The following KATNAL1 variants were observed in gnomAD, a reference collection of about 807,000 sequenced individuals.
KATNAL1 encodes the protein katanin catalytic subunit A1 like 1.
Under a neutral mutation model 55.2 loss-of-function variants are expected in KATNAL1, and 32 were observed. The ratio of observed to expected loss-of-function variants is 0.58; its 90% CI spans 0.44 to 0.78. The LOEUF (loss-of-function observed/expected upper bound fraction) is 0.78. Among genes scored for constraint, KATNAL1 ranks in the 30% least tolerant of loss-of-function variants. The pLI, the probability that KATNAL1 is intolerant of heterozygous loss-of-function variation, is 0.00. For missense variants in KATNAL1, 466 were observed against 600.9 expected (o/e 0.78, Z 2.35); for synonymous variants, 193 against 193.6 (o/e 1.00, Z 0.02).
At chr13:30,238,909 C>T (rs1446257156) in intron 6 of KATNAL1, among the ~76,000 whole-genome samples, 1 of 152,144 alleles carries the variant, frequency 6.6e-6, no homozygotes, top group Non-Finnish European at 1.5e-5. Flanking sequence ...AAGAAGCTGA[C>T]ACACATTGAA....
At chr13:30,289,468 T>C (rs987977053) in intron 1 of KATNAL1, among the ~76,000 whole-genome samples, 18 of 152,248 alleles carry the variant, frequency 1.2e-4, no homozygotes, top group African/African-American at 4.3e-4. Flanking sequence ...GCCTGATTTT[T>C]ATTTTCTAAT....
At chr13:30,297,143 T>TAAAA (rs560378346) in intron 1 of KATNAL1, among the ~76,000 whole-genome samples, 1 of 103,700 alleles carries the variant, frequency 9.6e-6, no homozygotes, top group Admixed American at 1.1e-4. Context: ...ACCCTGCCTC[T>TAAAA]AAAAAAAAAA....
rs1017953241 is a variant in KATNAL1 at position 30,205,847 on chromosome 13, G to T, written c.*2693C>A. On this transcript the variant is annotated 3_prime_UTR_variant, in exon 11 of 11. Transcript: ENST00000380615. ...CAATAAAGACTCTGTGTGTGTGTATGTGTGTGTATGTGTGTCTGTCTCACG... is the reference window on the plus strand; with the variant it reads ...CAATAAAGACTCTGTGTGTGTGTATTTGTGTGTATGTGTGTCTGTCTCACG... 6.6e-6 allele frequency: 1 copy of T among 152,104 alleles called. No individual in the cohort carries two copies. The highest frequency in any genetic ancestry group is 1.4e-5 in the Non-Finnish European group (1 of 69,892). The allele number at this position is 152,104 out of a possible 1,614,324, so 9.4% of individuals were successfully genotyped here.
chr13:30,263,947 G>A lies in KATNAL1; in HGVS notation c.324-8332C>T, dbSNP rs1388583619. The stretch of plus-strand genomic sequence containing the variant: ...ATCCTAAGCCAAAAGAACAAAGCTG[G>A]AGGCATCACACTACCTGACTTCAAA... On this transcript the variant is annotated intron_variant, in intron 3 of 10. Transcript: ENST00000380615. Among the ~76,000 whole-genome samples, 9 of 150,300 alleles carry A rather than the reference G, an allele frequency of 6.0e-5. No individual in the cohort carries two copies. The East Asian group carries it at 1.2e-3, about 20-fold the overall frequency.
chr13:30,278,442 T>G (rs1344404749), intron 3 of KATNAL1, among the ~76,000 whole-genome samples: 2 of 152,222 alleles, frequency 1.3e-5, no homozygotes, highest in African/African-American at 4.8e-5. Flanking sequence ...ATCTATGTTA[T>G]GAACAGTTAA....
At chr13:30,214,616 C>T (rs570882616) in intron 9 of KATNAL1, among the ~76,000 whole-genome samples, 1 of 152,216 alleles carries the variant, frequency 6.6e-6, no homozygotes, top group African/African-American at 2.4e-5. Flanking sequence ...AGAAATAATG[C>T]CGCATATCTA....
chr13:30,284,036 T>C (rs1416287139), intron 1 of KATNAL1, among the ~76,000 whole-genome samples: 1 of 152,086 alleles, frequency 6.6e-6, no homozygotes, highest in African/African-American at 2.4e-5. Flanking sequence ...AATTTTTGTA[T>C]TTTTAGTAGA....
chr13:30,276,483 A>G (rs1200596103), intron 3 of KATNAL1, among the ~76,000 whole-genome samples: 1 of 151,774 alleles, frequency 6.6e-6, no homozygotes, highest in Admixed American at 6.6e-5. Context: ...AATGCTTTGT[A>G]TAAAACAGGG....
chr13:30,207,157 T>C lies in KATNAL1; in HGVS notation c.*1383A>G, dbSNP rs1431672484. 1.3e-5 allele frequency: 2 copies of C among 152,216 alleles called. No individual in the cohort carries two copies. The highest frequency in any genetic ancestry group is 4.8e-5 in the African/African-American group (2 of 41,466). The allele number at this position is 152,216 out of a possible 1,614,324, so 9.4% of individuals were successfully genotyped here. Reference sequence around the variant, plus strand: ...ACTGAGAATTCAGGATGTTATCAAATACAAATTTTTAAAAGCTTGACCATT... The same window carrying C: ...ACTGAGAATTCAGGATGTTATCAAACACAAATTTTTAAAAGCTTGACCATT... On this transcript the variant is annotated 3_prime_UTR_variant, in exon 11 of 11. Coordinates refer to ENST00000380615, the MANE Select transcript of KATNAL1 (RefSeq NM_032116.5).
chr13:30,209,178 T>C (rs1034724196), intron 10 of KATNAL1, among the ~76,000 whole-genome samples: 4 of 152,194 alleles, frequency 2.6e-5, no homozygotes, highest in African/African-American at 9.6e-5. Flanking sequence ...GAAACATGAA[T>C]ATCCACATAT....
chr13:30,214,676 G>C (rs11616827), intron 9 of KATNAL1, among the ~76,000 whole-genome samples: 7,111 of 152,072 alleles, frequency 0.047, 239 homozygotes, highest in African/African-American at 0.092. Flanking sequence ...ATGGGGAAAG[G>C]ATTCCCTATT....
chr13:30,234,914 A>ATGAGG (rs997682701), intron 6 of KATNAL1, among the ~76,000 whole-genome samples: 15 of 152,188 alleles, frequency 9.9e-5, no homozygotes, highest in African/African-American at 3.6e-4. Context: ...TTTTATGCTA[A>ATGAGG]TGAGGTGACT....
chr13:30,219,060 G>C (rs1051601450), intron 9 of KATNAL1, among the ~76,000 whole-genome samples: 1 of 152,200 alleles, frequency 6.6e-6, no homozygotes, highest in South Asian at 2.1e-4. Flanking sequence ...AATTACATTA[G>C]ATGGCTTTCT....
intron 9 of KATNAL1, among the ~76,000 whole-genome samples, chr13:30,225,601 T>G (rs77767500): frequency 0.013 from 1,941 of 150,894 alleles, 38 homozygotes; most frequent in African/African-American, 0.045. Context: ...CTCCTTTCAG[T>G]AAGTGATGAT....
intron 9 of KATNAL1, among the ~76,000 whole-genome samples, chr13:30,212,064 A>G (rs1005854257): frequency 3.3e-5 from 5 of 152,262 alleles, no homozygotes; most frequent in African/African-American, 1.2e-4. Flanking sequence ...CACAAAAATC[A>G]GTGCCAGATA....
intron 4 of KATNAL1, among the ~76,000 whole-genome samples, chr13:30,254,583 T>C (rs1878623328): frequency 6.6e-6 from 1 of 152,210 alleles, no homozygotes; most frequent in African/African-American, 2.4e-5. Context: ...TTACACGTAA[T>C]AAAAATATTC....
At chr13:30,238,648 C>T (rs1382414563) in intron 6 of KATNAL1, among the ~76,000 whole-genome samples, 1 of 152,170 alleles carries the variant, frequency 6.6e-6, no homozygotes, top group East Asian at 1.9e-4. Flanking sequence ...TTAATCATGT[C>T]ATTTTTGTGC....
At chr13:30,257,796 G>C (rs74627875) in intron 3 of KATNAL1, among the ~76,000 whole-genome samples, 4 of 152,206 alleles carry the variant, frequency 2.6e-5, no homozygotes, top group Non-Finnish European at 4.4e-5. Context: ...GAAGCCAGAC[G>C]TGTCGTTTGT....
chr13:30,236,184 C>G (rs1378613035), intron 6 of KATNAL1, among the ~76,000 whole-genome samples: 1 of 152,130 alleles, frequency 6.6e-6, no homozygotes, highest in African/African-American at 2.4e-5. Context: ...GACTGTAAGG[C>G]TTCCCTAAGT....
Sources: allele counts gnomAD v4.1 joint callset (sites outside exome capture counted in the v4.1 genomes callset), GRCh38; gene constraint gnomAD v4.1.1; transcripts MANE v1.5; gene names NCBI Gene and HGNC (gene_info 2026-07-23, HGNC 2026-07-21).